The following SNTG2 variants were observed in gnomAD, a reference collection of about 807,000 sequenced individuals.
SNTG2 encodes the protein gamma-2-syntrophin.
A neutral mutation model predicts 70.9 loss-of-function variants in SNTG2; 74 were observed. The observed-to-expected ratio is 1.04, with a 90% CI of 0.86 to 1.27. SNTG2 has a LOEUF of 1.27. Ranked by LOEUF, SNTG2 falls within the 50% of genes most tolerant of loss-of-function variation. SNTG2 has a pLI of 0.00. For missense variants in SNTG2, 717 were observed against 690.7 expected, an observed-to-expected ratio of 1.04 and a Z score of -0.43; for synonymous variants, 278 against 273.8, an observed-to-expected ratio of 1.02 and a Z score of -0.15.
chr2:1,014,456 G>C (rs1293995305), intron 1 of SNTG2, among the ~76,000 whole-genome samples: 2 of 93,106 alleles, frequency 2.1e-5, no homozygotes, highest in African/African-American at 7.2e-5. Flanking sequence ...GAGAAGGGTG[G>C]TCTGTAGAGG....
At chr2:1,048,452 CTA>C (rs1190179269) in intron 1 of SNTG2, among the ~76,000 whole-genome samples, 1 of 151,870 alleles carries the variant, frequency 6.6e-6, no homozygotes, top group Non-Finnish European at 1.5e-5. Flanking sequence ...AGATAGATAT[CTA>C]TATATATACA....
chr2:1,142,738 A>G (rs918249232), intron 6 of SNTG2, among the ~76,000 whole-genome samples: 2 of 152,214 alleles, frequency 1.3e-5, no homozygotes, highest in African/African-American at 4.8e-5. Context: ...TACTCATTCA[A>G]TTCAGAATCT....
chr2:1,037,190 C>T (rs760620894), intron 1 of SNTG2, among the ~76,000 whole-genome samples: 6 of 152,192 alleles, frequency 3.9e-5, no homozygotes, highest in Admixed American at 6.5e-5. Flanking sequence ...CTCTGTGGTG[C>T]GGAGCCCACA....
At chr2:1,106,754 G>T (rs1666191790) in intron 4 of SNTG2, among the ~76,000 whole-genome samples, 1 of 75,984 alleles carries the variant, frequency 1.3e-5, no homozygotes, top group Non-Finnish European at 2.7e-5. Flanking sequence ...ATGGACACGT[G>T]CTGTCACTCG....
chr2:1,053,015 C>G (rs147775701), intron 1 of SNTG2, among the ~76,000 whole-genome samples: 45 of 152,282 alleles, frequency 3.0e-4, no homozygotes, highest in African/African-American at 1.0e-3. Flanking sequence ...TTTCTGTTAT[C>G]TTTTTCTGGT....
intron 9 of SNTG2, chr2:1,220,047 G>C (rs1674648642): frequency 6.6e-6 from 1 of 152,226 alleles, no homozygotes; most frequent in Admixed American, 6.5e-5. Context: ...TGTTTAAATA[G>C]TCATACCAAA....
intron 1 of SNTG2, among the ~76,000 whole-genome samples, chr2:990,316 C>T (rs1178225947): frequency 6.6e-6 from 1 of 152,196 alleles, no homozygotes; most frequent in Non-Finnish European, 1.5e-5. Context: ...GCATCTCAGT[C>T]AGCCCAAGCC....
At chr2:1,361,066 T>G (rs10183288) in intron 16 of SNTG2, among the ~76,000 whole-genome samples, 5,152 of 152,320 alleles carry the variant, frequency 0.034, 276 homozygotes, top group African/African-American at 0.11. Context: ...AGCAGTAAAC[T>G]GCGTCCTTGG....
At chr2:1,324,991 CTGTGCT>C in intron 16 of SNTG2, among the ~76,000 whole-genome samples, 1 of 152,280 alleles carries the variant, frequency 6.6e-6, no homozygotes, top group East Asian at 1.9e-4. Context: ...AAGTGATGTT[CTGTGCT>C]TGCCGCAAGG....
chr2:1,348,432 C>G (rs949820576), intron 16 of SNTG2, among the ~76,000 whole-genome samples: 16 of 152,218 alleles, frequency 1.1e-4, no homozygotes, highest in African/African-American at 3.6e-4. Flanking sequence ...AAGCCTACTA[C>G]CTTAAGGCTT....
At chr2:1,255,330 C>G (rs1001075943) in intron 12 of SNTG2, among the ~76,000 whole-genome samples, 8 of 152,128 alleles carry the variant, frequency 5.3e-5, no homozygotes, top group African/African-American at 1.9e-4. Flanking sequence ...TGTTTTCCCA[C>G]AAGACCACCA....
At chr2:1,124,415 C>T (rs1249976611) in intron 4 of SNTG2, among the ~76,000 whole-genome samples, 1 of 151,918 alleles carries the variant, frequency 6.6e-6, no homozygotes, top group East Asian at 1.9e-4. Context: ...CTGCCTCAGC[C>T]TCCTGAGTAG....
intron 14 of SNTG2, among the ~76,000 whole-genome samples, chr2:1,305,558 T>G: frequency 6.6e-6 from 1 of 152,160 alleles, no homozygotes; most frequent in Non-Finnish European, 1.5e-5. Flanking sequence ...ATTCACTAGG[T>G]TGAAAGAATT....
chr2:1,061,017 A>G (rs1662783320), intron 1 of SNTG2, among the ~76,000 whole-genome samples: 1 of 152,242 alleles, frequency 6.6e-6, no homozygotes. Context: ...ATAGAAATGT[A>G]AACTTGTGAC....
chr2:1,165,796 C>T (rs1378541120), intron 7 of SNTG2, among the ~76,000 whole-genome samples, 161 bp downstream of exon 7: 1 of 152,176 alleles, frequency 6.6e-6, no homozygotes, highest in Non-Finnish European at 1.5e-5. Context: ...CATGTAGTCC[C>T]ATGACGTTGT....
In SNTG2 at chr2:1,071,032, C is replaced by T. The variant is rs548838710; in HGVS notation, c.73-12486C>T. ...GGCAATACTGGGGGGTGGCCACACT[C>T]GACGCAGGCAGTGGGACTGGTGCAG... On this transcript the variant is annotated intron_variant, in intron 1 of 16. Transcript: ENST00000308624. 1.9e-3 allele frequency among the ~76,000 whole-genome samples: 295 copies of T among 152,200 alleles called. 1 individual carries two copies. Among genetic ancestry groups the T allele is most frequent in the African/African-American group, 6.8e-3 (281 of 41,532 alleles).
intron 14 of SNTG2, among the ~76,000 whole-genome samples, chr2:1,299,833 T>A (rs896666642): frequency 6.6e-6 from 1 of 152,186 alleles, no homozygotes; most frequent in Non-Finnish European, 1.5e-5. Flanking sequence ...AAAATGAGGA[T>A]GAAAGCACCA....
Position 1,147,744 on chromosome 2 carries a change from T to C in SNTG2, c.411+9935T>C, listed in dbSNP as rs185817619. On this transcript the variant is annotated intron_variant, in intron 6 of 16. Transcript: ENST00000308624. Reference sequence around the variant, plus strand: ...TGATTCCACACAGGGAAGGAAATCTTTGATAGTCAACAGAGTGAGGCTAAT... The same window carrying C: ...TGATTCCACACAGGGAAGGAAATCTCTGATAGTCAACAGAGTGAGGCTAAT... Among the ~76,000 whole-genome samples the C allele has an allele frequency of 1.6e-4, 24 of 152,304 alleles. No homozygotes were observed. In the East Asian group the frequency reaches 4.6e-3, roughly 29 times the overall value.
intron 9 of SNTG2, among the ~76,000 whole-genome samples, chr2:1,229,315 T>TGC (rs1676024920): frequency 6.6e-6 from 1 of 152,154 alleles, no homozygotes. Flanking sequence ...TCAGGTTAGA[T>TGC]AGAGTATTGA....
Sources: gnomAD v4.1 joint callset for allele counts (sites outside exome capture counted in the v4.1 genomes callset) on GRCh38, gnomAD v4.1.1 for gene constraint, MANE v1.5 for transcripts, NCBI Gene and HGNC (gene_info 2026-07-23, HGNC 2026-07-21) for gene names.